The following ANKRD44 variants were observed in gnomAD, a reference collection of about 807,000 sequenced individuals.
The protein encoded by ANKRD44 is serine/threonine-protein phosphatase 6 regulatory ankyrin repeat subunit B.
In ANKRD44, 35 loss-of-function variants were observed where a neutral mutation model predicts 116.0. The ratio of observed to expected loss-of-function variants is 0.30; its 90% confidence interval spans 0.23 to 0.40. ANKRD44 has a LOEUF of 0.40. ANKRD44 is among the 10% of genes least tolerant of loss of function. The pLI, the probability that ANKRD44 is intolerant of heterozygous loss-of-function variation, is 1.00. For synonymous variants in ANKRD44, 435 were observed against 461.8 expected, an observed-to-expected ratio of 0.94 and a Z score of 0.74; for missense variants, 1,014 against 1,242.6, an observed-to-expected ratio of 0.82 and a Z score of 2.77.
At chr2:197,042,009 T>C (rs934257874) in intron 16 of ANKRD44, among the ~76,000 whole-genome samples, 7 of 151,620 alleles carry the variant, frequency 4.6e-5, no homozygotes, top group Non-Finnish European at 8.8e-5. Flanking sequence ...GGTACATTAA[T>C]GAAAAAAAAA....
At position 197,239,395 on chromosome 2, in the gene ANKRD44, C is replaced by T. The variant is rs931551266; in HGVS notation, c.28-52289G>A. 8.6e-4 allele frequency among the ~76,000 whole-genome samples: 131 copies of T among 152,238 alleles called. 1 individual carries two copies. The highest frequency in any genetic ancestry group is 2.8e-3 in the African/African-American group (116 of 41,520). On this transcript the variant is annotated intron_variant, in intron 1 of 27. Coordinates refer to ENST00000282272, the MANE Select transcript of ANKRD44 (RefSeq NM_001195144.2). ...TACAGGCATGAGCCACCATGCCCAG[C>T]TAGTATTTTATTTTTTGTAGACATG...
intron 21 of ANKRD44, among the ~76,000 whole-genome samples, chr2:196,970,593 A>AC (rs971274418): frequency 3.3e-5 from 5 of 151,138 alleles, no homozygotes; most frequent in African/African-American, 9.7e-5. Context: ...TGACTTACCC[A>AC]CCCCCCCAAT....
At chr2:197,293,398 G>A (rs2083624676) in intron 1 of ANKRD44, among the ~76,000 whole-genome samples, 2 of 152,120 alleles carry the variant, frequency 1.3e-5, no homozygotes, top group African/African-American at 4.8e-5. Flanking sequence ...CTAATCAAGG[G>A]GCTAAAAATG....
intron 1 of ANKRD44, among the ~76,000 whole-genome samples, chr2:197,287,056 T>C (rs897525085): frequency 2.0e-5 from 3 of 152,114 alleles, no homozygotes; most frequent in Admixed American, 6.5e-5. Flanking sequence ...CCACAGAACG[T>C]ACAACACCAA....
chr2:197,308,724 C>T (rs1003471540), intron 1 of ANKRD44, among the ~76,000 whole-genome samples: 1 of 152,204 alleles, frequency 6.6e-6, no homozygotes, highest in Non-Finnish European at 1.5e-5. Context: ...GAAATTCCTG[C>T]TCTGATAAGC....
intron 21 of ANKRD44, among the ~76,000 whole-genome samples, chr2:196,976,666 G>T (rs1313411520): frequency 6.6e-6 from 1 of 152,044 alleles, no homozygotes; most frequent in Non-Finnish European, 1.5e-5. Context: ...CAGGAGTTAA[G>T]ATCAGCCTGC....
At chr2:197,254,253 C>T (rs529541583) in intron 1 of ANKRD44, among the ~76,000 whole-genome samples, 62 of 152,118 alleles carry the variant, frequency 4.1e-4, no homozygotes, top group African/African-American at 1.2e-3. Context: ...ATTAGCCGGG[C>T]GTGGCGGTGG....
chr2:197,052,113 T>G lies in ANKRD44; in HGVS notation c.1650+26590A>C, dbSNP rs538998776. On this transcript the variant is annotated intron_variant, in intron 16 of 27. Coordinates refer to ENST00000282272, the MANE Select transcript of ANKRD44 (RefSeq NM_001195144.2). ...CCCCAATATATTCTCATAAAGGAAT[T>G]TAGTCAACATGGACCCACTGGTGTG... Among the ~76,000 whole-genome samples, 4 of 152,202 alleles carry G rather than the reference T, an allele frequency of 2.6e-5. No individual in the cohort carries two copies. The South Asian group carries it at 8.3e-4, about 32-fold the overall frequency.
intron 1 of ANKRD44, among the ~76,000 whole-genome samples, chr2:197,262,861 C>T (rs574439285): frequency 3.6e-5 from 5 of 140,290 alleles, no homozygotes; most frequent in Admixed American, 1.5e-4. Context: ...GCCGAGATCA[C>T]GCCACTGCAC....
At chr2:197,047,979 T>A (rs2077034894) in intron 16 of ANKRD44, among the ~76,000 whole-genome samples, 1 of 151,732 alleles carries the variant, frequency 6.6e-6, no homozygotes, top group East Asian at 1.9e-4. Context: ...GAACTAAAAG[T>A]ATCTGATTCT....
intron 2 of ANKRD44, among the ~76,000 whole-genome samples, chr2:197,148,629 T>C (rs2079564660): frequency 6.6e-6 from 1 of 152,226 alleles, no homozygotes; most frequent in Non-Finnish European, 1.5e-5. Flanking sequence ...ATTTCATGAC[T>C]CACTAATATC....
intron 1 of ANKRD44, among the ~76,000 whole-genome samples, chr2:197,248,576 G>GTA (rs1318550760): frequency 0.058 from 6,414 of 110,320 alleles, 209 homozygotes; most frequent in Admixed American, 0.16. Flanking sequence ...GTGTGTGTGT[G>GTA]TGTATATATA....
At chr2:197,106,799 T>TAC (rs2078440005) in intron 9 of ANKRD44, among the ~76,000 whole-genome samples, 1 of 80,410 alleles carries the variant, frequency 1.2e-5, no homozygotes, top group African/African-American at 4.8e-5. Context: ...CAAATATATA[T>TAC]ATATATATTT....
At chr2:197,007,729 T>C (rs1049120756) in intron 20 of ANKRD44, 77 bp downstream of exon 20, 2 of 980,564 alleles carry the variant, frequency 2.0e-6, no homozygotes, top group African/African-American at 1.6e-5. Flanking sequence ...AAGTAGGCCC[T>C]TTGTAATTGT....
At chr2:197,182,905 GGGT>G (rs1298485163) in intron 2 of ANKRD44, among the ~76,000 whole-genome samples, 13 of 152,190 alleles carry the variant, frequency 8.5e-5, no homozygotes, top group African/African-American at 3.1e-4. Context: ...TGGGAGTTGA[GGGT>G]AGAAGTAGGT....
chr2:197,201,663 TTTTG>T lies in ANKRD44; in HGVS notation c.28-14561_28-14558del, dbSNP rs2081094677. Among the ~76,000 whole-genome samples the T allele has an allele frequency of 6.6e-6, 1 of 152,184 alleles. No individual in the cohort carries two copies. Among genetic ancestry groups the T allele is most frequent in the Admixed American group, 6.5e-5 (1 of 15,280 alleles). Reference sequence around the variant, plus strand: ...AAAACTCAGAGCTGTTGTTTTTATATTTTGTTTTTGTGTTTTGTGTTTTTATTTC... The same window carrying T: ...AAAACTCAGAGCTGTTGTTTTTATATTTTTTGTGTTTTGTGTTTTTATTTC... On this transcript the variant is annotated intron_variant, in intron 1 of 27. Coordinates refer to ENST00000282272, the MANE Select transcript of ANKRD44 (RefSeq NM_001195144.2). The surrounding 1 kb of genome is among the most constrained non-coding windows in gnomAD (Gnocchi z 4.0).
intron 1 of ANKRD44, among the ~76,000 whole-genome samples, chr2:197,255,994 G>A (rs1184505906): frequency 6.6e-6 from 1 of 152,230 alleles, no homozygotes; most frequent in African/African-American, 2.4e-5. Flanking sequence ...TTAGAAAATT[G>A]TTTGGAGGGG....
At chr2:197,198,665 C>T (rs1160304433) in intron 1 of ANKRD44, among the ~76,000 whole-genome samples, 1 of 151,952 alleles carries the variant, frequency 6.6e-6, no homozygotes, top group Non-Finnish European at 1.5e-5. Flanking sequence ...TGGTGGCGTG[C>T]CCCTGTAATC....
chr2:197,076,630 T>C (rs996901978), intron 16 of ANKRD44, among the ~76,000 whole-genome samples: 9 of 152,024 alleles, frequency 5.9e-5, no homozygotes, highest in Non-Finnish European at 1.3e-4. Context: ...CAAATAGTTA[T>C]TTTTTCTTAT....
Sources: allele counts gnomAD v4.1 joint callset (sites outside exome capture counted in the v4.1 genomes callset), GRCh38; gene constraint gnomAD v4.1.1; non-coding constraint Gnocchi (gnomAD v3.1); transcripts MANE v1.5; gene names NCBI Gene and HGNC (gene_info 2026-07-23, HGNC 2026-07-21).